The following JPH3 variants were observed in gnomAD, a reference collection of about 807,000 sequenced individuals.
The protein encoded by JPH3 is junctophilin 3.
In JPH3, 11 loss-of-function variants were observed where a neutral mutation model predicts 59.6. The observed-to-expected ratio is 0.18, with a 90% CI of 0.12 to 0.31. The LOEUF is 0.31. Ranked by LOEUF, JPH3 falls within the 10% of genes least tolerant of loss-of-function variation. JPH3 has a pLI of 1.00. For missense variants in JPH3, 1,202 were observed against 1,105.7 expected, an observed-to-expected ratio of 1.09 and a Z score of -1.24; for synonymous variants, 673 against 483.6, an observed-to-expected ratio of 1.39 and a Z score of -5.14.
intron 1 of JPH3, among the ~76,000 whole-genome samples, chr16:87,615,364 G>A (rs561555588): frequency 6.6e-6 from 1 of 152,294 alleles, no homozygotes; most frequent in Admixed American, 6.5e-5. Context: ...GTACCCTTGG[G>A]GTCAGCATCC....
intron 1 of JPH3, among the ~76,000 whole-genome samples, chr16:87,632,913 G>T: frequency 6.6e-6 from 1 of 151,416 alleles, no homozygotes; most frequent in African/African-American, 2.4e-5. Flanking sequence ...AAAAAATTTT[G>T]GTAGAGACAG....
At chr16:87,604,394 G>A (rs1381206308) in intron 1 of JPH3, 2 of 1,426,132 alleles carry the variant, frequency 1.4e-6, no homozygotes, top group South Asian at 2.4e-5. Flanking sequence ...TGGACTCTCC[G>A]ATATCCACTC....
chr16:87,615,126 G>T (rs994761158), intron 1 of JPH3, among the ~76,000 whole-genome samples: 35 of 152,366 alleles, frequency 2.3e-4, no homozygotes, highest in Middle Eastern at 3.4e-3. Context: ...CATGAGGGTT[G>T]GTGGCTCTCC....
chr16:87,607,493 C>G (rs1477875497), intron 1 of JPH3, among the ~76,000 whole-genome samples: 9 of 152,360 alleles, frequency 5.9e-5, no homozygotes, highest in Middle Eastern at 3.4e-3. Flanking sequence ...ACATTTTCCA[C>G]CCCGTCCCCC....
chr16:87,648,754 CATT>C (rs1012720750), intron 2 of JPH3, among the ~76,000 whole-genome samples: 3 of 152,196 alleles, frequency 2.0e-5, no homozygotes, highest in African/African-American at 4.8e-5. Flanking sequence ...CATGTGACAT[CATT>C]GTTTGGGATG....
chr16:87,604,333 G>A (rs2150818466), intron 1 of JPH3: 1 of 1,261,594 alleles, frequency 7.9e-7, no homozygotes, highest in Non-Finnish European at 1.0e-6. Context: ...GCTGCTGTAA[G>A]ATGGTTTCTG....
chr16:87,694,925 T>C (rs1377052296), intron 4 of JPH3: 1 of 233,718 alleles, frequency 4.3e-6, no homozygotes, highest in Admixed American at 5.2e-5. Flanking sequence ...GCACGGCCCA[T>C]GTCTTCCCCG....
intron 1 of JPH3, among the ~76,000 whole-genome samples, chr16:87,614,453 C>G (rs1034904860): frequency 1.3e-5 from 2 of 151,972 alleles, no homozygotes; most frequent in African/African-American, 4.8e-5. Flanking sequence ...GCGTCCCCTC[C>G]CAGGATAAGT....
Position 87,677,225 on chromosome 16 carries a change from C to CACACAAAAAAA in JPH3, c.1161-6916_1161-6915insCACAAAAAAAA, listed in dbSNP as rs1271128667. ...ACACACACACACACACACACACACA[C>CACACAAAAAAA]AAAAAAAAAAATTAGCCGGGTGTGG... On this transcript the variant is annotated intron_variant, in intron 2 of 4. Coordinates refer to ENST00000284262, the MANE Select transcript of JPH3 (RefSeq NM_020655.4). 1.5e-3 allele frequency among the ~76,000 whole-genome samples: 124 copies of CACACAAAAAAA among 81,690 alleles called. 3 individuals carry two copies. Among genetic ancestry groups the CACACAAAAAAA allele is most frequent in the African/African-American group, 5.1e-3 (119 of 23,250 alleles). 53.6% of individuals were successfully genotyped at this position (81,690 alleles called of 152,430 possible).
chr16:87,679,768 G>A (rs1259985626), intron 2 of JPH3, among the ~76,000 whole-genome samples: 1 of 152,242 alleles, frequency 6.6e-6, no homozygotes, highest in Non-Finnish European at 1.5e-5. Context: ...AGGCCCGGCC[G>A]TGTCCTCTCT....
At chr16:87,661,213 C>T (rs1055464351) in intron 2 of JPH3, among the ~76,000 whole-genome samples, 2 of 152,216 alleles carry the variant, frequency 1.3e-5, no homozygotes, top group Non-Finnish European at 2.9e-5. Context: ...CCTCCTGCCT[C>T]CCTCTTACAA....
rs928877772 is a variant in JPH3 at position 87,603,942 on chromosome 16, C to A, written c.382+414C>A. ...CCCTGGAGGCCGCCCTTCGATCAGG[C>A]CCCAGCTTCGCTTCTGGTGTTCCTG... On this transcript the variant is annotated intron_variant, in intron 1 of 4. Transcript: ENST00000284262. The A allele has an allele frequency of 6.9e-5, 24 of 350,038 alleles. 1 individual carries two copies. The highest frequency in any genetic ancestry group is 8.8e-5 in the Non-Finnish European group (22 of 249,070). 21.7% of individuals were successfully genotyped at this position (350,038 alleles called of 1,614,324 possible). A position where few individuals can be genotyped will look rare whatever the true frequency, so the allele number is the denominator to read the frequency against.
intron 1 of JPH3, among the ~76,000 whole-genome samples, chr16:87,615,407 TG>T (rs1259721714): frequency 1.1e-4 from 16 of 152,202 alleles, no homozygotes; most frequent in Admixed American, 1.0e-3. Flanking sequence ...CCTTCTTTCT[TG>T]TCCTGAGCCC....
intron 2 of JPH3, among the ~76,000 whole-genome samples, chr16:87,662,139 C>A (rs1286964521): frequency 6.6e-6 from 1 of 152,230 alleles, no homozygotes; most frequent in Non-Finnish European, 1.5e-5. Flanking sequence ...GTAGGCCTCC[C>A]CTGCCTGCCC....
intron 4 of JPH3, chr16:87,695,845 C>G (rs1208137141): frequency 2.2e-6 from 1 of 456,050 alleles, no homozygotes; most frequent in East Asian, 7.0e-5. Context: ...CCGGCAAGCA[C>G]AGGGAAGGTG....
At chr16:87,617,891 G>A (rs546051446) in intron 1 of JPH3, among the ~76,000 whole-genome samples, 46 of 152,114 alleles carry the variant, frequency 3.0e-4, no homozygotes, top group African/African-American at 9.4e-4. Context: ...GGCTGGGCGC[G>A]GTGGCTCATG....
intron 2 of JPH3, among the ~76,000 whole-genome samples, chr16:87,675,381 C>G (rs537882140): frequency 1.3e-5 from 2 of 152,278 alleles, no homozygotes; most frequent in South Asian, 4.2e-4. Context: ...CCAGACCAGC[C>G]TCCCCGTCCA....
rs1356941486 is a variant in JPH3 at position 87,602,548 on chromosome 16, ACCGCCGCCG to A, written c.-590_-582del. 7.6e-6 allele frequency among the ~76,000 whole-genome samples: 1 copy of A among 131,526 alleles called. No homozygotes were observed. The highest frequency in any genetic ancestry group is 1.6e-5 in the Non-Finnish European group (1 of 61,146). The allele number at this position is 131,526 out of a possible 152,430, so 86.3% of individuals were successfully genotyped here. A position where few individuals can be genotyped will look rare whatever the true frequency, so the allele number is the denominator to read the frequency against. Reference sequence around the variant, plus strand: ...GCCCGGAGCGCACGCCGCCGCCGCCACCGCCGCCGCCGCCGCCCGAGCCGCCGCATTGCT... The same window carrying A: ...GCCCGGAGCGCACGCCGCCGCCGCCACCGCCGCCCGAGCCGCCGCATTGCT... On this transcript the variant is annotated 5_prime_UTR_variant, in exon 1 of 5. Transcript: ENST00000284262.
In JPH3 at chr16:87,670,059, G is replaced by A. The variant is rs548685029; in HGVS notation, c.1161-14083G>A. Among the ~76,000 whole-genome samples, 4 of 152,266 alleles carry A rather than the reference G, an allele frequency of 2.6e-5. No individual in the cohort carries two copies. In the South Asian group the frequency reaches 6.2e-4, roughly 24 times the overall value. Reference sequence around the variant, plus strand: ...ATTCACAGGTAGGGACACAGGCGTGGGGATTCCACGGTGCCCTTGAGGCAG... The same window carrying A: ...ATTCACAGGTAGGGACACAGGCGTGAGGATTCCACGGTGCCCTTGAGGCAG... On this transcript the variant is annotated intron_variant, in intron 2 of 4. Transcript: ENST00000284262.
Sources: allele counts gnomAD v4.1 joint callset (sites outside exome capture counted in the v4.1 genomes callset), GRCh38; gene constraint gnomAD v4.1.1; transcripts MANE v1.5; gene names NCBI Gene and HGNC (gene_info 2026-07-23, HGNC 2026-07-21).